SMAP2: variants seen among roughly 807,000 people sequenced by gnomAD.
The protein encoded by SMAP2 is small ArfGAP2, also known as stromal membrane-associated protein 2.
A neutral mutation model predicts 56.4 loss-of-function variants in SMAP2; 25 were observed. The observed-to-expected ratio is 0.44, with a 90% CI of 0.32 to 0.62. The LOEUF (loss-of-function observed/expected upper bound fraction) is 0.62, where lower values mean the gene tolerates loss of function less well. SMAP2 is among the 20% of genes least tolerant of loss of function. The pLI, the probability that SMAP2 is intolerant of heterozygous loss-of-function variation, is 0.04. For missense variants in SMAP2, 388 were observed against 545.6 expected (o/e 0.71, Z 2.88); for synonymous variants, 157 against 181.7 (o/e 0.86, Z 1.09).
upstream of SMAP2, among the ~76,000 whole-genome samples, chr1:40,371,846 T>C (rs1468929640): frequency 1.3e-5 from 2 of 152,210 alleles, no homozygotes; most frequent in African/African-American, 4.8e-5. Flanking sequence ...CATAATAATC[T>C]TGTGAAATAG....
chr1:40,391,418 C>T (rs1003982057), intron 1 of SMAP2, among the ~76,000 whole-genome samples: 1 of 152,030 alleles, frequency 6.6e-6, no homozygotes, highest in Admixed American at 6.5e-5. Flanking sequence ...GCTGTTAGCG[C>T]AGCAGTCCCT....
Position 40,347,243 on chromosome 1 carries a change from T to G in SMAP2, c.-83+2333T>G, listed in dbSNP as rs1273750383. On this transcript the variant is annotated intron_variant, in intron 1 of 6. Coordinates refer to the SMAP2 transcript ENST00000435168. ...GTGTGTGTGTTTGTGTGTGTGTGTT[T>G]TGTTTTTGTTTTTTTTTTTTTTTTT... Among the ~76,000 whole-genome samples the G allele has an allele frequency of 9.4e-3, 319 of 33,866 alleles. 4 individuals carry two copies. The highest frequency in any genetic ancestry group is 0.049 in the African/African-American group (290 of 5,870). The allele number at this position is 33,866 out of a possible 152,430, so 22.2% of individuals were successfully genotyped here. A position where few individuals can be genotyped will look rare whatever the true frequency, so the allele number is the denominator to read the frequency against.
intron 1 of SMAP2, among the ~76,000 whole-genome samples, chr1:40,390,584 C>T (rs908116282): frequency 6.6e-6 from 1 of 152,100 alleles, no homozygotes; most frequent in Admixed American, 6.5e-5. Context: ...GAAATCTTCA[C>T]AATCAGTCTC....
chr1:40,345,271 G>A (rs944184670), intron 1 of SMAP2, among the ~76,000 whole-genome samples: 3 of 151,898 alleles, frequency 2.0e-5, no homozygotes, highest in Non-Finnish European at 4.4e-5. Context: ...GGGCATGGTG[G>A]CACACACCTG....
chr1:40,383,125 CAG>C (rs1353217122), intron 1 of SMAP2, among the ~76,000 whole-genome samples: 4 of 152,144 alleles, frequency 2.6e-5, no homozygotes, highest in African/African-American at 2.4e-5. Context: ...AGAAGCTGAA[CAG>C]GGGCTGGTGA....
At chr1:40,376,170 T>TG (rs900950244) in intron 1 of SMAP2, among the ~76,000 whole-genome samples, 1 of 151,894 alleles carries the variant, frequency 6.6e-6, no homozygotes, top group African/African-American at 2.4e-5. Context: ...AGGCTGGTCT[T>TG]GAACTCCTGA....
intron 1 of SMAP2, among the ~76,000 whole-genome samples, chr1:40,357,472 A>C (rs1274619030): frequency 7.1e-6 from 1 of 141,686 alleles, no homozygotes; most frequent in African/African-American, 2.8e-5. Context: ...AACAACAACC[A>C]CAAAAAAAAA....
chr1:40,353,166 G>C (rs1569815468), intron 1 of SMAP2, among the ~76,000 whole-genome samples: 1 of 152,164 alleles, frequency 6.6e-6, no homozygotes, highest in Non-Finnish European at 1.5e-5. Flanking sequence ...AGTCTTAAGG[G>C]AAAGACTGCT....
At chr1:40,359,201 C>T (rs1644449098) in intron 1 of SMAP2, among the ~76,000 whole-genome samples, 1 of 152,182 alleles carries the variant, frequency 6.6e-6, no homozygotes, top group Admixed American at 6.5e-5. Flanking sequence ...CTCCCAGGTT[C>T]CAGCAATTCT....
intron 3 of SMAP2, among the ~76,000 whole-genome samples, chr1:40,409,295 T>C (rs1381703341): frequency 1.3e-5 from 2 of 152,222 alleles, no homozygotes; most frequent in Non-Finnish European, 2.9e-5. Context: ...TTTTTTTTAA[T>C]GGGTTCAGGT....
chr1:40,361,483 C>T (rs1644459696), intron 1 of SMAP2, among the ~76,000 whole-genome samples: 1 of 152,096 alleles, frequency 6.6e-6, no homozygotes, highest in South Asian at 2.1e-4. Context: ...GTAAAGGGAA[C>T]TTTGTCCTGC....
intron 1 of SMAP2, among the ~76,000 whole-genome samples, chr1:40,402,197 T>C (rs1277412773): frequency 6.6e-6 from 1 of 152,242 alleles, no homozygotes; most frequent in East Asian, 1.9e-4. Context: ...TTGGTTTATC[T>C]CTTTTTATTG....
chr1:40,421,931 G>T, intron 9 of SMAP2, 45 bp from the exon 10 acceptor site: 1 of 1,612,616 alleles, frequency 6.2e-7, no homozygotes, highest in South Asian at 1.1e-5. Context: ...ACTAATTGGC[G>T]GAATGCCCAC....
At chr1:40,421,924 A>G in intron 9 of SMAP2, 52 bp from the exon 10 acceptor site, 1 of 1,611,718 alleles carries the variant, frequency 6.2e-7, no homozygotes, top group Non-Finnish European at 8.5e-7. Context: ...CTTTTGCACT[A>G]ATTGGCGGAA....
At chr1:40,347,278 A>G (rs1644393146) in intron 1 of SMAP2, among the ~76,000 whole-genome samples, 1 of 145,188 alleles carries the variant, frequency 6.9e-6, no homozygotes. Context: ...TAAAGCAAAG[A>G]TGGAGTTTCA....
At chr1:40,373,560 AC>A (rs1377167586), upstream of SMAP2, 1 of 153,338 alleles carries the variant, frequency 6.5e-6, no homozygotes, top group Non-Finnish European at 1.5e-5. Flanking sequence ...GGGCGTGCCC[AC>A]CCCTTCCCTC....
intron 1 of SMAP2, among the ~76,000 whole-genome samples, chr1:40,355,376 T>C (rs1356952672): frequency 6.6e-6 from 1 of 152,176 alleles, no homozygotes; most frequent in Non-Finnish European, 1.5e-5. Context: ...TATTATACTT[T>C]CAATATGTAT....
intron 5 of SMAP2, 65 bp from the exon 6 acceptor site, chr1:40,414,094 G>A: frequency 6.2e-6 from 9 of 1,450,380 alleles, no homozygotes; most frequent in South Asian, 1.2e-5. Flanking sequence ...TGGCTTTACA[G>A]TGGAGATGGG....
chr1:40,415,216 G>A, intron 6 of SMAP2, 56 bp from the exon 7 acceptor site: 2 of 1,335,484 alleles, frequency 1.5e-6, no homozygotes, highest in Non-Finnish European at 2.1e-6. Context: ...TAGAATAGAA[G>A]GAAGGCATGG....
Sources: gnomAD v4.1 joint callset for allele counts (sites outside exome capture counted in the v4.1 genomes callset) on GRCh38, gnomAD v4.1.1 for gene constraint, MANE v1.5 for transcripts, NCBI Gene and HGNC (gene_info 2026-07-23, HGNC 2026-07-21) for gene names.